Variants in TANC1 observed in about 807,000 individuals in gnomAD.
The protein encoded by TANC1 is protein TANC1.
A neutral mutation model predicts 149.7 loss-of-function variants in TANC1; 77 were observed. The ratio of observed to expected loss-of-function variants is 0.51; its 90% confidence interval spans 0.43 to 0.62. TANC1 has a LOEUF of 0.62. Ranked by LOEUF, TANC1 falls within the 20% of genes least tolerant of loss-of-function variation. The probability of loss-of-function intolerance (pLI) is 0.00; values close to 1 mark genes in which losing one functional copy is unlikely to be tolerated. For synonymous variants in TANC1, 854 were observed against 925.0 expected (o/e 0.92, Z 1.39); for missense variants, 1,985 against 2,321.8 (o/e 0.85, Z 2.98).
At chr2:159,119,437 T>TA (rs1163989843) in intron 4 of TANC1, among the ~76,000 whole-genome samples, 10 of 152,188 alleles carry the variant, frequency 6.6e-5, no homozygotes, top group African/African-American at 1.7e-4. Flanking sequence ...CAGTTGGTTT[T>TA]AAAAAAAATC....
intron 4 of TANC1, among the ~76,000 whole-genome samples, chr2:159,121,355 C>T (rs180783385): frequency 1.3e-3 from 195 of 152,324 alleles, no homozygotes; most frequent in African/African-American, 4.5e-3. Flanking sequence ...TTGTTTGAGA[C>T]GGACTCCCAC....
Position 159,195,191 on chromosome 2 carries a change from G to A in TANC1, c.2979+698G>A, listed in dbSNP as rs1265578180. 2.0e-5 allele frequency among the ~76,000 whole-genome samples: 3 copies of A among 152,178 alleles called. No individual in the cohort carries two copies. The East Asian group carries it at 5.8e-4, about 29-fold the overall frequency. On this transcript the variant is annotated intron_variant, in intron 17 of 26. Coordinates refer to ENST00000263635, the MANE Select transcript of TANC1 (RefSeq NM_033394.3). ...TCTGGAGTGCAGAGGCATGATCTTG[G>A]CTCACTGCAACCTCCACCTCCCAGG...
At chr2:159,194,534 T>A (rs1341175203) in intron 17 of TANC1, 41 bp downstream of exon 17, 8 of 1,504,292 alleles carry the variant, frequency 5.3e-6, no homozygotes, top group Non-Finnish European at 7.4e-6. Flanking sequence ...GGCAGGGAAA[T>A]GGCTTCATCT....
intron 14 of TANC1, among the ~76,000 whole-genome samples, chr2:159,184,957 A>T (rs188636281): frequency 3.3e-4 from 51 of 152,342 alleles, no homozygotes; most frequent in African/African-American, 1.1e-3. Flanking sequence ...AGACAAATGC[A>T]GTTTAAATAA....
intron 19 of TANC1, among the ~76,000 whole-genome samples, chr2:159,200,600 T>C (rs148444515): frequency 1.3e-5 from 2 of 152,322 alleles, no homozygotes; most frequent in East Asian, 3.9e-4. Context: ...CAGTCCTGAA[T>C]TGCATTATCA....
intron 7 of TANC1, among the ~76,000 whole-genome samples, chr2:159,154,118 G>C (rs10167504): frequency 6.6e-6 from 1 of 152,120 alleles, no homozygotes; most frequent in Non-Finnish European, 1.5e-5. Context: ...GGCTTTGGGG[G>C]TGGACTGTTA....
intron 2 of TANC1, among the ~76,000 whole-genome samples, chr2:159,029,210 G>C (rs893448141): frequency 1.3e-5 from 2 of 152,178 alleles, no homozygotes; most frequent in African/African-American, 2.4e-5. Flanking sequence ...GATCCATTAT[G>C]TGTATATATC....
chr2:159,120,651 AG>A (rs1317709944), intron 4 of TANC1, among the ~76,000 whole-genome samples: 4 of 152,192 alleles, frequency 2.6e-5, no homozygotes, highest in Non-Finnish European at 4.4e-5. Context: ...ATTTCAGGAT[AG>A]GGTGTGGTGG....
intron 14 of TANC1, among the ~76,000 whole-genome samples, chr2:159,183,661 A>T (rs2056702678): frequency 1.3e-5 from 2 of 152,104 alleles, no homozygotes; most frequent in South Asian, 4.2e-4. Context: ...TGGGAGGTGG[A>T]AGGGCTTAGG....
chr2:159,115,074 T>C (rs551255676), intron 4 of TANC1, among the ~76,000 whole-genome samples: 4 of 152,216 alleles, frequency 2.6e-5, no homozygotes, highest in South Asian at 4.2e-4. Context: ...GACCTCCCAG[T>C]TTGGCAAGAG....
intron 10 of TANC1, 96 bp downstream of exon 10, chr2:159,170,901 G>A: frequency 7.3e-7 from 1 of 1,366,622 alleles, no homozygotes; most frequent in Admixed American, 2.1e-5. Context: ...TTTTCCTCAA[G>A]TTGTTGCAGC....
intron 4 of TANC1, among the ~76,000 whole-genome samples, chr2:159,127,148 C>T (rs754336863): frequency 6.6e-5 from 10 of 152,114 alleles, no homozygotes; most frequent in South Asian, 6.2e-4. Flanking sequence ...AAAAAGTGGG[C>T]GAAGGACATG....
chr2:159,191,647 C>A (rs1301390110), intron 16 of TANC1, among the ~76,000 whole-genome samples: 22 of 152,122 alleles, frequency 1.4e-4, no homozygotes, highest in Admixed American at 1.4e-3. Context: ...AAATTTGACA[C>A]CTGGGGTTCT....
intron 2 of TANC1, chr2:159,027,092 ATCT>A (rs1200219715): frequency 2.0e-5 from 3 of 151,922 alleles, no homozygotes; most frequent in African/African-American, 7.3e-5. Flanking sequence ...GACCATGCTA[ATCT>A]TCTCTGTATC....
At chr2:159,227,778 C>A (rs2060105379) in intron 24 of TANC1, 41 bp from the exon 25 acceptor site, 1 of 1,609,644 alleles carries the variant, frequency 6.2e-7, no homozygotes. Context: ...CATTTTAGAA[C>A]CTCTGAAAAA....
intron 4 of TANC1, among the ~76,000 whole-genome samples, chr2:159,134,727 AC>A (rs1396035639): frequency 1.3e-5 from 2 of 150,454 alleles, no homozygotes; most frequent in Non-Finnish European, 3.0e-5. Flanking sequence ...CTCATGATCC[AC>A]CCGCCTCGGC....
rs2060352891 is a variant in TANC1 at position 159,232,072 on chromosome 2, A to G, written c.*1060A>G. ...TGCATGTTCTCTGTAAGCTTCATCC[A>G]TGCTGGTTATTGCACTGAATGATAT... On this transcript the variant is annotated 3_prime_UTR_variant, in exon 27 of 27. Coordinates refer to ENST00000263635, the MANE Select transcript of TANC1 (RefSeq NM_033394.3). The G allele has an allele frequency of 6.5e-6, 1 of 152,672 alleles. No homozygotes were observed. Among genetic ancestry groups the G allele is most frequent in the African/African-American group, 2.4e-5 (1 of 41,478 alleles). 9.5% of individuals were successfully genotyped at this position (152,672 alleles called of 1,614,324 possible).
intron 2 of TANC1, among the ~76,000 whole-genome samples, chr2:159,002,002 A>G (rs1231054270): frequency 1.3e-5 from 2 of 152,210 alleles, no homozygotes; most frequent in Admixed American, 6.5e-5. Flanking sequence ...ACCATCCTCC[A>G]GTGTCCAGAC....
intron 2 of TANC1, chr2:159,056,036 T>A (rs951070699): frequency 3.1e-6 from 1 of 322,168 alleles, no homozygotes; most frequent in Non-Finnish European, 6.2e-6. Flanking sequence ...TTGTTGTTGA[T>A]AGGCATCTTC....
Sources: gnomAD v4.1 joint callset for allele counts (sites outside exome capture counted in the v4.1 genomes callset) on GRCh38, gnomAD v4.1.1 for gene constraint, MANE v1.5 for transcripts, NCBI Gene and HGNC (gene_info 2026-07-23, HGNC 2026-07-21) for gene names.